Variants in HS3ST5 observed in about 807,000 individuals in gnomAD.
The protein encoded by HS3ST5 is heparan sulfate-glucosamine 3-sulfotransferase 5.
In HS3ST5, 10 loss-of-function variants were observed where a neutral mutation model predicts 25.4. The ratio of observed to expected loss-of-function variants is 0.39; its 90% CI spans 0.24 to 0.67. The LOEUF (loss-of-function observed/expected upper bound fraction) is 0.67. Among genes scored for constraint, HS3ST5 ranks in the 30% least tolerant of loss-of-function variants. The pLI is 0.44. For synonymous variants in HS3ST5, 170 were observed against 162.4 expected (o/e 1.05, Z -0.36); for missense variants, 324 against 420.7 (o/e 0.77, Z 2.01).
chr6:114,182,712 T>C lies in HS3ST5; in HGVS notation c.-144-14250A>G, dbSNP rs530565792. The stretch of plus-strand genomic sequence containing the variant: ...ACAGGGGCTAAGCTTGTCATTATTA[T>C]TAAACAGCACATTCCAGGTGGCATC... On this transcript the variant is annotated intron_variant, in intron 2 of 4. Transcript: ENST00000312719. Among the ~76,000 whole-genome samples, 4 of 152,312 alleles carry C rather than the reference T, an allele frequency of 2.6e-5. No individual in the cohort carries two copies. The South Asian group carries it at 6.2e-4, about 24-fold the overall frequency.
At chr6:114,294,161 A>G (rs1271023699) in intron 1 of HS3ST5, among the ~76,000 whole-genome samples, 1 of 152,202 alleles carries the variant, frequency 6.6e-6, no homozygotes, top group Non-Finnish European at 1.5e-5. Context: ...TGAAGATGTG[A>G]TCACTTTGCT....
chr6:114,324,114 G>A (rs1371096062), intron 1 of HS3ST5, among the ~76,000 whole-genome samples: 2 of 152,158 alleles, frequency 1.3e-5, no homozygotes, highest in Non-Finnish European at 2.9e-5. Flanking sequence ...TATTGCTATA[G>A]TTATTTTTGC....
At chr6:114,280,780 G>A (rs1047640189) in intron 1 of HS3ST5, among the ~76,000 whole-genome samples, 6 of 151,916 alleles carry the variant, frequency 3.9e-5, no homozygotes, top group African/African-American at 1.2e-4. Flanking sequence ...GCTTATTCAC[G>A]ATTCAGCATT....
intron 3 of HS3ST5, chr6:114,084,692 C>G: frequency 1.6e-6 from 2 of 1,273,204 alleles, no homozygotes; most frequent in African/African-American, 1.5e-5. Context: ...CACAAGAAGC[C>G]GTGGCTCCTG....
intron 3 of HS3ST5, among the ~76,000 whole-genome samples, chr6:114,163,362 G>A (rs1387882051): frequency 1.3e-5 from 2 of 151,882 alleles, no homozygotes; most frequent in African/African-American, 4.8e-5. Context: ...CATAAAGCTC[G>A]GTAAGTTTTA....
intron 1 of HS3ST5, among the ~76,000 whole-genome samples, chr6:114,287,378 G>GT (rs1774384100): frequency 6.6e-6 from 1 of 151,944 alleles, no homozygotes; most frequent in Non-Finnish European, 1.5e-5. Flanking sequence ...CACATCTCCA[G>GT]TAAGTGGAAA....
At chr6:114,301,632 C>T (rs1323564235) in intron 1 of HS3ST5, among the ~76,000 whole-genome samples, 2 of 152,150 alleles carry the variant, frequency 1.3e-5, no homozygotes, top group Non-Finnish European at 2.9e-5. Flanking sequence ...TATGGTAAAG[C>T]TTTGGTTCAC....
chr6:114,167,048 C>T (rs926703297), intron 3 of HS3ST5, among the ~76,000 whole-genome samples: 6 of 152,310 alleles, frequency 3.9e-5, no homozygotes, highest in Admixed American at 2.6e-4. Context: ...TGCAGTGGTG[C>T]GATCATAGCT....
chr6:114,276,424 G>A (rs1015533978), intron 1 of HS3ST5, among the ~76,000 whole-genome samples: 4 of 151,756 alleles, frequency 2.6e-5, no homozygotes, highest in Non-Finnish European at 5.9e-5. Flanking sequence ...TATTGGCATC[G>A]TAAGTGAATA....
intron 1 of HS3ST5, among the ~76,000 whole-genome samples, chr6:114,321,665 A>G (rs1775977086): frequency 6.6e-6 from 1 of 152,182 alleles, no homozygotes; most frequent in Admixed American, 6.6e-5. Context: ...AAAAATGTTA[A>G]TATCAACATA....
chr6:114,244,936 A>C (rs1772311727), intron 1 of HS3ST5, among the ~76,000 whole-genome samples: 1 of 152,232 alleles, frequency 6.6e-6, no homozygotes, highest in Non-Finnish European at 1.5e-5. Context: ...CAATCAAAAC[A>C]GTATTTGATC....
intron 2 of HS3ST5, among the ~76,000 whole-genome samples, chr6:114,184,879 C>T (rs1761865018): frequency 6.6e-6 from 1 of 152,218 alleles, no homozygotes; most frequent in South Asian, 2.1e-4. Context: ...GCTTGGGACT[C>T]ATCATCCCTT....
chr6:114,134,559 T>G (rs1777499628), intron 3 of HS3ST5, among the ~76,000 whole-genome samples: 1 of 152,142 alleles, frequency 6.6e-6, no homozygotes, highest in Admixed American at 6.5e-5. Flanking sequence ...TGATTCTAGC[T>G]CAGTTGTTCT....
chr6:114,194,758 T>C (rs73767064), intron 2 of HS3ST5, among the ~76,000 whole-genome samples: 106 of 152,306 alleles, frequency 7.0e-4, no homozygotes, highest in African/African-American at 2.5e-3. Context: ...TGAAGCTCAG[T>C]TGCACATGGG....
In HS3ST5 at chr6:114,057,398, G is replaced by T; in HGVS notation, c.900C>A (p.Ile300=). 2 of 1,614,142 alleles carry T rather than the reference G, an allele frequency of 1.2e-6. No individual in the cohort carries two copies. The highest frequency in any genetic ancestry group is 1.7e-6 in the Non-Finnish European group (2 of 1,180,026). The change falls in exon 5 of 5, where the codon ATC becomes ATA. Residue 300 remains isoleucine, a synonymous_variant. Coordinates refer to ENST00000312719, the MANE Select transcript of HS3ST5 (RefSeq NM_153612.4). ...RGFYCLRFNI[I]FNKCLAGSKG... ...TGCTGCCCGCCAGGCACTTATTAAA[G>T]ATAATATTAAACCGCAAGCAGTAAA...
intron 3 of HS3ST5, among the ~76,000 whole-genome samples, chr6:114,151,568 G>A (rs1348851146): frequency 2.6e-5 from 4 of 152,182 alleles, no homozygotes; most frequent in African/African-American, 4.8e-5. Context: ...ACTCATAAAT[G>A]TAACTAGCCA....
At chr6:114,062,707 C>T in intron 4 of HS3ST5, 32 bp downstream of exon 4, 1 of 1,370,410 alleles carries the variant, frequency 7.3e-7, no homozygotes, top group Non-Finnish European at 1.0e-6. Context: ...CTTAATGTCA[C>T]AGGGGTATAA....
At chr6:114,143,851 C>G (rs1239673038) in intron 3 of HS3ST5, 1 of 152,506 alleles carries the variant, frequency 6.6e-6, no homozygotes, top group African/African-American at 2.4e-5. Context: ...GCTGCCAGCA[C>G]CAATAAGCTT....
At chr6:114,073,692 G>C (rs538763761) in intron 3 of HS3ST5, among the ~76,000 whole-genome samples, 2 of 152,184 alleles carry the variant, frequency 1.3e-5, no homozygotes, top group Non-Finnish European at 2.9e-5. Flanking sequence ...CTGTTGATGG[G>C]AGTGTAAACT....
Sources: gnomAD v4.1 joint callset for allele counts (sites outside exome capture counted in the v4.1 genomes callset) on GRCh38, gnomAD v4.1.1 for gene constraint, MANE v1.5 for transcripts, NCBI Gene and HGNC (gene_info 2026-07-23, HGNC 2026-07-21) for gene names.